The following SEC63 variants were observed in gnomAD, a reference collection of about 807,000 sequenced individuals.
SEC63 encodes the protein translocation protein SEC63 homolog.
SEC63 carries 56 observed loss-of-function variants against 116.2 expected under a neutral mutation model. That is an observed-to-expected ratio of 0.48 (90% confidence interval 0.39 to 0.60). The LOEUF (loss-of-function observed/expected upper bound fraction) is 0.60. SEC63 is among the 20% of genes least tolerant of loss of function. SEC63 has a pLI of 0.00. For synonymous variants in SEC63, 273 were observed against 294.6 expected (o/e 0.93, Z 0.75); for missense variants, 668 against 900.0 (o/e 0.74, Z 3.30).
intron 1 of SEC63, among the ~76,000 whole-genome samples, chr6:107,932,887 A>G (rs1787844046): frequency 6.6e-6 from 1 of 152,138 alleles, no homozygotes; most frequent in South Asian, 2.1e-4. Context: ...ACAAAGGGGA[A>G]ACGAATGACT....
At chr6:107,929,287 C>T in intron 2 of SEC63, 128 bp downstream of exon 2, 1 of 621,418 alleles carries the variant, frequency 1.6e-6, no homozygotes, top group Non-Finnish European at 2.9e-6. Flanking sequence ...TTTCTCCTAT[C>T]TTACCCTTAC....
At chr6:107,893,095 A>G (rs1464814650) in intron 16 of SEC63, among the ~76,000 whole-genome samples, 1 of 149,610 alleles carries the variant, frequency 6.7e-6, no homozygotes. Context: ...ATATTCATAC[A>G]ATGAAATACT....
At position 107,893,547 on chromosome 6, in the gene SEC63, T is replaced by C. The variant is rs79262844; in HGVS notation, c.1609A>G (p.Thr537Ala). ...KKKKPLKKKP[T>A]PVLLPQSKQQ... is the part of the protein sequence containing the mutation. Reference sequence around the variant, plus strand: ...TTTGACTGTGGTAATAGCACAGGTGTAGGTTTTTTTTTTAAAGGTTTCTTT... The same window carrying C: ...TTTGACTGTGGTAATAGCACAGGTGCAGGTTTTTTTTTTAAAGGTTTCTTT... Residue 537 changes from threonine (T) to alanine (A), a missense_variant, in exon 16 of 21, where the codon ACA (threonine) becomes GCA (alanine). This residue lies in a region of SEC63 where 430 missense variants were observed against 557.5 expected (regional missense o/e 0.77). Coordinates refer to ENST00000369002, the MANE Select transcript of SEC63 (RefSeq NM_007214.5). The C allele has an allele frequency of 3.7e-6, 6 of 1,603,026 alleles. No homozygotes were observed. In the African/African-American group the frequency reaches 6.8e-5, roughly 18 times the overall value.
At chr6:107,879,703 TGCTG>T (rs1786366701) in intron 18 of SEC63, among the ~76,000 whole-genome samples, 1 of 150,380 alleles carries the variant, frequency 6.6e-6, no homozygotes, top group Admixed American at 6.8e-5. Flanking sequence ...AAAGGCATTT[TGCTG>T]ATAAAATGAT....
At chr6:107,881,272 A>G in intron 17 of SEC63, 22 bp from the exon 18 acceptor site, 1 of 1,494,306 alleles carries the variant, frequency 6.7e-7, no homozygotes, top group Non-Finnish European at 9.3e-7. Flanking sequence ...AAAAATTAAA[A>G]TATTTAAAAT....
At chr6:107,931,631 C>T (rs1163297665) in intron 1 of SEC63, among the ~76,000 whole-genome samples, 1 of 151,610 alleles carries the variant, frequency 6.6e-6, no homozygotes, top group Non-Finnish European at 1.5e-5. Context: ...TGCCTGTAGT[C>T]CCAGCTACTC....
chr6:107,915,331 T>C (rs1406472054), intron 4 of SEC63, among the ~76,000 whole-genome samples: 1 of 152,090 alleles, frequency 6.6e-6, no homozygotes, highest in Non-Finnish European at 1.5e-5. Context: ...GACACATAAA[T>C]TTTGTATACA....
At chr6:107,894,416 A>G (rs1786766291) in intron 14 of SEC63, among the ~76,000 whole-genome samples, 1 of 152,120 alleles carries the variant, frequency 6.6e-6, no homozygotes, top group Non-Finnish European at 1.5e-5. Context: ...GCTCATGCCT[A>G]TAATCTCAGC....
At chr6:107,957,796 C>A in intron 1 of SEC63, 90 bp downstream of exon 1, 1 of 1,291,556 alleles carries the variant, frequency 7.7e-7, no homozygotes, top group Non-Finnish European at 9.8e-7. Flanking sequence ...CCGGACGCCG[C>A]GGGCTGGGGC....
In SEC63 at chr6:107,886,270, T is replaced by C. The variant is rs1250111129; in HGVS notation, c.1675-3124A>G. Among the ~76,000 whole-genome samples, 8 of 152,352 alleles carry C rather than the reference T, an allele frequency of 5.3e-5. No homozygotes were observed. The East Asian group carries it at 7.7e-4, about 15-fold the overall frequency. Reference sequence around the variant, plus strand: ...TATCCAGTCTATCATTGATGGGCACTTGGGTTGGTTCCAAGTCTTTGTTAT... The same window carrying C: ...TATCCAGTCTATCATTGATGGGCACCTGGGTTGGTTCCAAGTCTTTGTTAT... On this transcript the variant is annotated intron_variant, in intron 16 of 20. Coordinates refer to ENST00000369002, the MANE Select transcript of SEC63 (RefSeq NM_007214.5).
At chr6:107,891,944 G>C (rs1238417793) in intron 16 of SEC63, among the ~76,000 whole-genome samples, 1 of 152,180 alleles carries the variant, frequency 6.6e-6, no homozygotes, top group African/African-American at 2.4e-5. Flanking sequence ...CGTCCCAGAG[G>C]GGCACTCGCC....
chr6:107,893,123 C>T (rs1358231872), intron 16 of SEC63, among the ~76,000 whole-genome samples: 1 of 125,704 alleles, frequency 8.0e-6, no homozygotes, highest in African/African-American at 5.2e-5. Context: ...CACACACACA[C>T]ACACACACAC....
At chr6:107,891,050 G>C (rs1355660495) in intron 16 of SEC63, among the ~76,000 whole-genome samples, 1 of 152,066 alleles carries the variant, frequency 6.6e-6, no homozygotes, top group African/African-American at 2.4e-5. Flanking sequence ...ATGTGTCTCA[G>C]GGTTGCTCTT....
At chr6:107,934,606 C>G (rs1770151902) in intron 1 of SEC63, among the ~76,000 whole-genome samples, 1 of 149,524 alleles carries the variant, frequency 6.7e-6, no homozygotes, top group African/African-American at 2.5e-5. Flanking sequence ...GGCAGCCACC[C>G]CGTCCGGGAG....
Position 107,917,902 on chromosome 6 carries a change from G to C in SEC63, c.452+3895C>G, listed in dbSNP as rs1258330524. On this transcript the variant is annotated intron_variant, in intron 4 of 20. Coordinates refer to ENST00000369002, the MANE Select transcript of SEC63 (RefSeq NM_007214.5). ...TGCAGCAAGTTATCCAGAAGATCTA[G>C]CTAAGATCACAATGAAGGTGGCTAA... Among the ~76,000 whole-genome samples, 3 of 152,202 alleles carry C rather than the reference G, an allele frequency of 2.0e-5. No individual in the cohort carries two copies. The East Asian group carries it at 5.8e-4, about 29-fold the overall frequency.
intron 3 of SEC63, among the ~76,000 whole-genome samples, chr6:107,923,154 T>C (rs557285412): frequency 1.3e-5 from 2 of 150,262 alleles, no homozygotes. Context: ...ACACAAAAGA[T>C]TTTTTTTTTG....
chr6:107,871,995 G>A, intron 20 of SEC63, 148 bp from the exon 21 acceptor site: 2 of 744,428 alleles, frequency 2.7e-6, no homozygotes, highest in East Asian at 2.7e-5. Flanking sequence ...CATTCATTTA[G>A]AACAGACACT....
chr6:107,874,365 C>T (rs770300747), intron 19 of SEC63, among the ~76,000 whole-genome samples: 28 of 152,012 alleles, frequency 1.8e-4, no homozygotes, highest in Admixed American at 3.9e-4. Flanking sequence ...GAGGCCAAGG[C>T]GGGCGGATCA....
At chr6:107,897,792 A>G in intron 13 of SEC63, 61 bp from the exon 14 acceptor site, 1 of 1,122,278 alleles carries the variant, frequency 8.9e-7, no homozygotes, top group Non-Finnish European at 1.4e-6. Context: ...GTTAATGCAA[A>G]CAGCAAAACT....
Sources: allele counts gnomAD v4.1 joint callset (sites outside exome capture counted in the v4.1 genomes callset), GRCh38; gene constraint gnomAD v4.1.1; regional missense constraint gnomAD v4.1.1; transcripts MANE v1.5; gene names NCBI Gene and HGNC (gene_info 2026-07-23, HGNC 2026-07-21).